TMEM232: variants seen among roughly 807,000 people sequenced by gnomAD.
The protein encoded by TMEM232 is transmembrane protein 232.
A neutral mutation model predicts 78.8 loss-of-function variants in TMEM232; 80 were observed. That is an observed-to-expected ratio of 1.01 (90% CI 0.85 to 1.22). The LOEUF (loss-of-function observed/expected upper bound fraction) is 1.22. Among genes scored for constraint, TMEM232 ranks in the 50% most tolerant of loss-of-function variants. TMEM232 has a pLI of 0.00. For synonymous variants in TMEM232, 297 were observed against 254.3 expected (o/e 1.17, Z -1.60); for missense variants, 881 against 742.2 (o/e 1.19, Z -2.17).
intron 1 of TMEM232, among the ~76,000 whole-genome samples, chr5:110,696,381 G>GA (rs2150249095): frequency 6.6e-6 from 1 of 152,278 alleles, no homozygotes; most frequent in African/African-American, 2.4e-5. Context: ...CATTCCCTTT[G>GA]AAAACGGGCA....
chr5:110,534,795 G>A (rs1432927457), intron 11 of TMEM232, among the ~76,000 whole-genome samples: 1 of 152,072 alleles, frequency 6.6e-6, no homozygotes, highest in Non-Finnish European at 1.5e-5. Flanking sequence ...AGATGTCCTA[G>A]GTCATCCCAA....
intron 4 of TMEM232, among the ~76,000 whole-genome samples, chr5:110,639,108 G>A (rs1160817005): frequency 6.6e-6 from 1 of 152,248 alleles, no homozygotes; most frequent in African/African-American, 2.4e-5. Flanking sequence ...ACAGGAAGGA[G>A]GTCAGTAGGG....
chr5:110,643,220 G>A (rs1786997389), intron 2 of TMEM232, among the ~76,000 whole-genome samples: 1 of 152,078 alleles, frequency 6.6e-6, no homozygotes, highest in Admixed American at 6.6e-5. Flanking sequence ...TAGAGAAGCG[G>A]ATGTGGGGTG....
At position 110,731,985 on chromosome 5, in the gene TMEM232, C is replaced by A. The variant is rs1245528894; in HGVS notation, c.-13+2918G>T. Among the ~76,000 whole-genome samples the A allele has an allele frequency of 1.2e-4, 19 of 152,198 alleles. 1 individual carries two copies. Among genetic ancestry groups the A allele is most frequent in the Non-Finnish European group, 2.8e-4 (19 of 68,050 alleles). On this transcript the variant is annotated intron_variant, in intron 2 of 4. Coordinates refer to the TMEM232 transcript ENST00000512886. ...AATGCTTTTAACAGCACCCAAGTCA[C>A]CTTTTGAATGCCTCGCTGCTTAGAA...
At chr5:110,694,611 T>A (rs1794539983) in intron 1 of TMEM232, among the ~76,000 whole-genome samples, 1 of 151,882 alleles carries the variant, frequency 6.6e-6, no homozygotes, top group African/African-American at 2.4e-5. Flanking sequence ...TGGAGGAAGA[T>A]CTACCAAGCA....
intron 3 of TMEM232, among the ~76,000 whole-genome samples, chr5:110,395,654 C>T (rs915845007): frequency 6.6e-6 from 1 of 152,152 alleles, no homozygotes; most frequent in African/African-American, 2.4e-5. Flanking sequence ...GGGAGTGATA[C>T]TCTTTATAGC....
At chr5:110,732,971 T>C (rs1025730902) in intron 2 of TMEM232, among the ~76,000 whole-genome samples, 1 of 151,958 alleles carries the variant, frequency 6.6e-6, no homozygotes, top group Non-Finnish European at 1.5e-5. Context: ...TAAACAAATA[T>C]ATATGAAAAC....
At position 110,612,489 on chromosome 5, in the gene TMEM232, G is replaced by T. The variant is rs988354181; in HGVS notation, c.902+5940C>A. Among the ~76,000 whole-genome samples, 5 of 152,084 alleles carry T rather than the reference G, an allele frequency of 3.3e-5. No homozygotes were observed. In the South Asian group the frequency reaches 1.0e-3, roughly 31 times the overall value. On this transcript the variant is annotated intron_variant, in intron 8 of 13. Coordinates refer to ENST00000455884, the MANE Select transcript of TMEM232 (RefSeq NM_001039763.4). ...TACTGATGCAAACTTTTGTTGGAATGCTCTAGGTTAGACCATCACATGGAC... is the reference window on the plus strand; with the variant it reads ...TACTGATGCAAACTTTTGTTGGAATTCTCTAGGTTAGACCATCACATGGAC...
At chr5:110,464,824 C>T (rs1488268633) in intron 12 of TMEM232, among the ~76,000 whole-genome samples, 1 of 152,134 alleles carries the variant, frequency 6.6e-6, no homozygotes, top group African/African-American at 2.4e-5. Context: ...ATCTATGTAT[C>T]TATCTGTGTA....
chr5:110,579,493 AAT>A (rs1370684797), intron 10 of TMEM232, among the ~76,000 whole-genome samples: 4 of 151,844 alleles, frequency 2.6e-5, no homozygotes, highest in African/African-American at 7.2e-5. Context: ...TCAATTTAAA[AAT>A]ATGTTAATGT....
At chr5:110,697,588 A>C (rs547616313) in intron 1 of TMEM232, among the ~76,000 whole-genome samples, 57 of 152,310 alleles carry the variant, frequency 3.7e-4, no homozygotes, top group African/African-American at 1.1e-3. Context: ...CAATGAACTC[A>C]AACAAATTTA....
chr5:110,462,439 C>T (rs895367296), intron 12 of TMEM232, among the ~76,000 whole-genome samples: 1 of 152,164 alleles, frequency 6.6e-6, no homozygotes, highest in Non-Finnish European at 1.5e-5. Flanking sequence ...TAATCAGCTG[C>T]CAGCGCAGCT....
chr5:110,695,036 G>T (rs1279566804), intron 1 of TMEM232, among the ~76,000 whole-genome samples: 1 of 152,030 alleles, frequency 6.6e-6, no homozygotes, highest in Non-Finnish European at 1.5e-5. Flanking sequence ...TTCCAAAATT[G>T]AACACATAGT....
intron 1 of TMEM232, among the ~76,000 whole-genome samples, chr5:110,712,824 T>G (rs1796630281): frequency 6.6e-6 from 1 of 152,128 alleles, no homozygotes; most frequent in Non-Finnish European, 1.5e-5. Context: ...TACAAATTAG[T>G]ACAACTACTA....
chr5:110,726,129 C>T (rs989662432), intron 1 of TMEM232, among the ~76,000 whole-genome samples: 12 of 149,996 alleles, frequency 8.0e-5, no homozygotes, highest in Non-Finnish European at 1.6e-4. Flanking sequence ...CACACACACA[C>T]ACACACACAC....
chr5:110,654,577 AGC>A (rs1788772088), intron 2 of TMEM232, among the ~76,000 whole-genome samples: 1 of 152,192 alleles, frequency 6.6e-6, no homozygotes, highest in African/African-American at 2.4e-5. Context: ...GAAGTCAGGT[AGC>A]GTGATGCCTC....
chr5:110,568,741 T>C, intron 10 of TMEM232, 116 bp from the exon 11 acceptor site: 1 of 1,072,430 alleles, frequency 9.3e-7, no homozygotes, highest in Non-Finnish European at 1.3e-6. Context: ...TTCTAAAGTC[T>C]GAAATTCTAA....
At chr5:110,453,990 A>G (rs934051001) in intron 12 of TMEM232, among the ~76,000 whole-genome samples, 3 of 152,104 alleles carry the variant, frequency 2.0e-5, no homozygotes, top group African/African-American at 7.2e-5. Context: ...GAACCTAAAA[A>G]CTCTTTTTGA....
intron 10 of TMEM232, among the ~76,000 whole-genome samples, chr5:110,591,052 G>C (rs1241288761): frequency 1.3e-5 from 2 of 152,138 alleles, no homozygotes; most frequent in Admixed American, 1.3e-4. Context: ...GGAACACAGA[G>C]CTAAACCATA....
Sources: gnomAD v4.1 joint callset for allele counts (sites outside exome capture counted in the v4.1 genomes callset) on GRCh38, gnomAD v4.1.1 for gene constraint, MANE v1.5 for transcripts, NCBI Gene and HGNC (gene_info 2026-07-23, HGNC 2026-07-21) for gene names.